RBFOX1: variants seen among roughly 807,000 people sequenced by gnomAD.
RBFOX1 encodes the protein RNA binding fox-1 homolog 1.
In RBFOX1, 8 loss-of-function variants were observed where a neutral mutation model predicts 57.7. The ratio of observed to expected loss-of-function variants is 0.14; its 90% CI spans 0.08 to 0.25. RBFOX1 has a LOEUF of 0.25. Ranked by LOEUF, RBFOX1 falls within the 10% of genes least tolerant of loss-of-function variation. RBFOX1 has a pLI of 1.00. For synonymous variants in RBFOX1, 326 were observed against 222.4 expected (o/e 1.47, Z -4.15); for missense variants, 611 against 548.5 (o/e 1.11, Z -1.14).
Position 5,759,938 on chromosome 16 carries a change from G to A in RBFOX1, c.319-107365G>A, listed in dbSNP as rs191196911. Among the ~76,000 whole-genome samples the A allele has an allele frequency of 1.9e-3, 281 of 151,012 alleles. 5 individuals are homozygous for A. The highest frequency in any genetic ancestry group is 0.018 in the Admixed American group (266 of 15,132). Reference sequence around the variant, plus strand: ...AAAACTTCCACATCCCCTTTTGTGCGTATTTCAACTGCACTGAAAATGTAG... The same window carrying A: ...AAAACTTCCACATCCCCTTTTGTGCATATTTCAACTGCACTGAAAATGTAG... On this transcript the variant is annotated intron_variant, in intron 3 of 19. Transcript: ENST00000641259.
In RBFOX1 at chr16:7,324,747, C is replaced by G. The variant is rs572577874; in HGVS notation, c.28-193400C>G. On this transcript the variant is annotated intron_variant, in intron 4 of 15. Transcript: ENST00000550418. ...GCAGGCTCCTCACTTACAAAACCTA[C>G]TGGAATTTTCTTTGTGCATCTCCAT... is the stretch of plus-strand genomic sequence containing the variant. Among the ~76,000 whole-genome samples, 53 of 152,312 alleles carry G rather than the reference C, an allele frequency of 3.5e-4. 2 individuals carry two copies. Among genetic ancestry groups the G allele is most frequent in the East Asian group, 1.9e-4 (1 of 5,174 alleles).
At chr16:7,314,835 C>A (rs111296727) in intron 4 of RBFOX1, among the ~76,000 whole-genome samples, 3 of 152,106 alleles carry the variant, frequency 2.0e-5, no homozygotes, top group African/African-American at 7.2e-5. Flanking sequence ...GGTTTTTGAG[C>A]CTTTTAAAAA....
intron 4 of RBFOX1, among the ~76,000 whole-genome samples, chr16:7,173,880 T>G (rs1335991235): frequency 6.6e-6 from 1 of 152,218 alleles, no homozygotes; most frequent in Non-Finnish European, 1.5e-5. Flanking sequence ...TAACCTATTA[T>G]GCTCAGTGGT....
At chr16:5,900,888 T>C (rs1175514670) in intron 4 of RBFOX1, among the ~76,000 whole-genome samples, 3 of 152,126 alleles carry the variant, frequency 2.0e-5, no homozygotes, top group South Asian at 2.1e-4. Flanking sequence ...GTCTACATAG[T>C]TCTGATTACC....
At chr16:6,015,709 C>T (rs1236451146), upstream of RBFOX1, among the ~76,000 whole-genome samples, 1 of 152,200 alleles carries the variant, frequency 6.6e-6, no homozygotes, top group Admixed American at 6.5e-5. Flanking sequence ...ACCCAACTCT[C>T]TGTGGAATTC....
At chr16:5,573,016 G>A (rs1217258892) in intron 2 of RBFOX1, among the ~76,000 whole-genome samples, 1 of 152,156 alleles carries the variant, frequency 6.6e-6, no homozygotes, top group Non-Finnish European at 1.5e-5. Context: ...CCCAGCCACT[G>A]CATGTACAGA....
intron 3 of RBFOX1, among the ~76,000 whole-genome samples, chr16:5,646,290 G>C (rs2049053926): frequency 6.6e-6 from 1 of 151,278 alleles, no homozygotes; most frequent in South Asian, 2.1e-4. Context: ...CTCCCAAAGT[G>C]CTGGGATTAT....
chr16:6,819,719 A>C (rs1567396259), intron 3 of RBFOX1, among the ~76,000 whole-genome samples: 3 of 145,736 alleles, frequency 2.1e-5, no homozygotes, highest in Middle Eastern at 3.5e-3. Flanking sequence ...AAAAAAAAAA[A>C]AAAAAAAAAA....
At chr16:6,695,671 T>C (rs1017479026) in intron 3 of RBFOX1, among the ~76,000 whole-genome samples, 2 of 152,200 alleles carry the variant, frequency 1.3e-5, no homozygotes, top group African/African-American at 2.4e-5. Context: ...CGGCCTATTG[T>C]TAGTACTCCA....
intron 1 of RBFOX1, among the ~76,000 whole-genome samples, chr16:6,172,705 C>G (rs1033127781): frequency 6.6e-6 from 1 of 152,160 alleles, no homozygotes; most frequent in East Asian, 1.9e-4. Context: ...ATCAGGATCA[C>G]ACATATAGAG....
intron 3 of RBFOX1, among the ~76,000 whole-genome samples, chr16:6,744,893 A>C (rs62017585): frequency 6.6e-6 from 1 of 151,854 alleles, no homozygotes; most frequent in Non-Finnish European, 1.5e-5. Context: ...CTTTGAAACC[A>C]AAAGCTGGTG....
intron 4 of RBFOX1, among the ~76,000 whole-genome samples, chr16:7,211,620 A>C (rs1454646457): frequency 2.6e-5 from 4 of 152,164 alleles, no homozygotes; most frequent in African/African-American, 4.8e-5. Flanking sequence ...AGGCACACCT[A>C]GTAAGCAAGG....
intron 3 of RBFOX1, among the ~76,000 whole-genome samples, chr16:6,847,751 G>C (rs1226302997): frequency 6.6e-6 from 1 of 152,026 alleles, no homozygotes; most frequent in African/African-American, 2.4e-5. Flanking sequence ...TTTTTATTCT[G>C]TTTTAAAACA....
intron 1 of RBFOX1, among the ~76,000 whole-genome samples, chr16:6,120,176 C>G (rs932045413): frequency 5.9e-5 from 9 of 152,116 alleles, no homozygotes; most frequent in Non-Finnish European, 1.2e-4. Context: ...ATGTATTTAT[C>G]CGTTGATTAG....
intron 5 of RBFOX1, among the ~76,000 whole-genome samples, chr16:7,574,063 C>T (rs989401137): frequency 2.0e-5 from 3 of 152,116 alleles, no homozygotes; most frequent in Non-Finnish European, 1.5e-5. Flanking sequence ...CAGCAAGCTT[C>T]TCAGGGATGC....
chr16:6,859,332 A>T (rs1341788992), intron 3 of RBFOX1, among the ~76,000 whole-genome samples: 2 of 151,410 alleles, frequency 1.3e-5, no homozygotes, highest in African/African-American at 2.4e-5. Flanking sequence ...TTTTATAAGA[A>T]AGAGTCAAAA....
chr16:5,266,319 C>G (rs1291941741), intron 1 of RBFOX1, among the ~76,000 whole-genome samples: 2 of 152,210 alleles, frequency 1.3e-5, no homozygotes, highest in Admixed American at 6.5e-5. Flanking sequence ...ACAACTCCCC[C>G]CAAGTACAGG....
intron 8 of RBFOX1, among the ~76,000 whole-genome samples, chr16:7,596,376 T>A (rs1474221544): frequency 4.6e-5 from 7 of 151,936 alleles, no homozygotes; most frequent in Non-Finnish European, 7.4e-5. Flanking sequence ...ATTTTTTTTT[T>A]AATACCAGTT....
intron 3 of RBFOX1, among the ~76,000 whole-genome samples, chr16:6,870,312 T>C (rs1231091776): frequency 6.6e-6 from 1 of 152,142 alleles, no homozygotes; most frequent in Non-Finnish European, 1.5e-5. Context: ...TCAGCACTAC[T>C]GAAATTCAGC....
Sources: gnomAD v4.1 joint callset for allele counts (sites outside exome capture counted in the v4.1 genomes callset) on GRCh38, gnomAD v4.1.1 for gene constraint, MANE v1.5 for transcripts, NCBI Gene and HGNC (gene_info 2026-07-23, HGNC 2026-07-21) for gene names.